CATSPERE: variants seen among roughly 807,000 people sequenced by gnomAD.
CATSPERE encodes cation channel sperm-associated auxiliary subunit epsilon.
A neutral mutation model predicts 114.1 loss-of-function variants in CATSPERE; 93 were observed. The observed-to-expected ratio is 0.81, with a 90% CI of 0.69 to 0.97. The LOEUF (loss-of-function observed/expected upper bound fraction) is 0.97, where lower values mean the gene tolerates loss of function less well. Among genes scored for constraint, CATSPERE ranks in the 50% least tolerant of loss-of-function variants. The probability of loss-of-function intolerance (pLI) is 0.00; values close to 1 mark genes in which losing one functional copy is unlikely to be tolerated. For synonymous variants in CATSPERE, 341 were observed against 384.1 expected (o/e 0.89, Z 1.31); for missense variants, 1,058 against 1,131.6 (o/e 0.93, Z 0.93).
Position 244,607,452 on chromosome 1 carries a change from G to T in CATSPERE, c.2403+1658G>T, listed in dbSNP as rs1331652746. On this transcript the variant is annotated intron_variant, in intron 18 of 21. Coordinates refer to ENST00000366534, the MANE Select transcript of CATSPERE (RefSeq NM_001130957.2). The surrounding 1 kb of genome is among the most constrained non-coding windows in gnomAD (Gnocchi z 4.4). ...CTGAAAACAATCACCATGGATTCCTGAATTCTGCCATCCATCCTATGAGGG... is the reference window on the plus strand; with the variant it reads ...CTGAAAACAATCACCATGGATTCCTTAATTCTGCCATCCATCCTATGAGGG... Among the ~76,000 whole-genome samples, 1 of 152,182 alleles carries T rather than the reference G, an allele frequency of 6.6e-6. No individual in the cohort carries two copies. The highest frequency in any genetic ancestry group is 1.5e-5 in the Non-Finnish European group (1 of 68,036).
chr1:244,546,041 C>T (rs1438906226), intron 8 of CATSPERE, among the ~76,000 whole-genome samples: 1 of 152,164 alleles, frequency 6.6e-6, no homozygotes, highest in African/African-American at 2.4e-5. Flanking sequence ...TCTGGGCACC[C>T]CTGAAGCAGA....
At chr1:244,563,536 T>C (rs895401603) in intron 10 of CATSPERE, among the ~76,000 whole-genome samples, 1 of 152,216 alleles carries the variant, frequency 6.6e-6, no homozygotes, top group Non-Finnish European at 1.5e-5. Flanking sequence ...CTTTTTTCCA[T>C]GTTTGTTGGC....
At chr1:244,469,555 A>T (rs1668132631) in intron 2 of CATSPERE, among the ~76,000 whole-genome samples, 1 of 152,224 alleles carries the variant, frequency 6.6e-6, no homozygotes. Context: ...AAATGAACTA[A>T]AAGGCATCCA....
intron 2 of CATSPERE, among the ~76,000 whole-genome samples, chr1:244,471,787 C>T (rs1360095677): frequency 2.6e-5 from 4 of 152,220 alleles, no homozygotes; most frequent in Non-Finnish European, 4.4e-5. Flanking sequence ...TTGTTGATGG[C>T]CATTTGGGTT....
At chr1:244,505,251 C>G (rs916285689) in intron 7 of CATSPERE, among the ~76,000 whole-genome samples, 1 of 152,144 alleles carries the variant, frequency 6.6e-6, no homozygotes, top group Non-Finnish European at 1.5e-5. Flanking sequence ...AGCACGTGCA[C>G]CATCTTACAT....
rs551017375 is a variant in CATSPERE at position 244,640,461 on chromosome 1, A to C, written c.*380A>C. ...ATGAAACCTTATATGACTGTAGTTA[A>C]TTTATATATAAAGGATTTAATAAAG... On this transcript the variant is annotated 3_prime_UTR_variant, in exon 22 of 22. Coordinates refer to ENST00000366534, the MANE Select transcript of CATSPERE (RefSeq NM_001130957.2). The C allele has an allele frequency of 1.7e-4, 27 of 156,382 alleles. No individual in the cohort carries two copies. Among genetic ancestry groups the C allele is most frequent in the Non-Finnish European group, 2.4e-4 (17 of 71,006 alleles). The allele number at this position is 156,382 out of a possible 1,614,324, so 9.7% of individuals were successfully genotyped here. A position where few individuals can be genotyped will look rare whatever the true frequency, so the allele number is the denominator to read the frequency against.
chr1:244,510,835 C>CTTTTTTTTTTTTTTT (rs747921082), intron 7 of CATSPERE, among the ~76,000 whole-genome samples: 6 of 48,340 alleles, frequency 1.2e-4, no homozygotes, highest in East Asian at 8.0e-4. Context: ...TTTTCTTTTT[C>CTTTTTTTTTTTTTTT]TTTTTTTTTT....
chr1:244,558,646 C>A (rs1455521960), intron 9 of CATSPERE, among the ~76,000 whole-genome samples: 1 of 152,186 alleles, frequency 6.6e-6, no homozygotes, highest in Non-Finnish European at 1.5e-5. Flanking sequence ...CTCTGCTTTA[C>A]AACTTAGCTT....
rs1346546551 is a variant in CATSPERE at position 244,625,670 on chromosome 1, G to A, written c.2648+7984G>A. Among the ~76,000 whole-genome samples, 37 of 150,346 alleles carry A rather than the reference G, an allele frequency of 2.5e-4. 1 individual carries two copies. The East Asian group carries it at 4.3e-3, about 17-fold the overall frequency. On this transcript the variant is annotated intron_variant, in intron 20 of 21. Transcript: ENST00000366534. ...TCTCGATCTCTTGACCTTGTGATCC[G>A]CCCACCTTGGCCTTCCAAAGTGCTG...
At chr1:244,563,476 A>G (rs1490145250) in intron 10 of CATSPERE, among the ~76,000 whole-genome samples, 1 of 152,236 alleles carries the variant, frequency 6.6e-6, no homozygotes, top group Non-Finnish European at 1.5e-5. Flanking sequence ...GTGAGACGGT[A>G]TGTCATTGTG....
intron 5 of CATSPERE, among the ~76,000 whole-genome samples, chr1:244,484,398 G>C (rs1670689579): frequency 6.6e-6 from 1 of 152,190 alleles, no homozygotes. Flanking sequence ...GAGAAACACT[G>C]ATAACACCCA....
intron 17 of CATSPERE, among the ~76,000 whole-genome samples, chr1:244,604,172 C>T (rs1572965671): frequency 6.6e-6 from 1 of 152,204 alleles, no homozygotes; most frequent in African/African-American, 2.4e-5. Flanking sequence ...GCGAAAGGGT[C>T]CCAGAGCTCT....
rs115551327 is a variant in CATSPERE, at chr1:244,609,839, G to A, written c.2404-401G>A. ...GAAGATGGCTTGAGGCCAAGAGTTC[G>A]AGGCCAGCCTTGGCAACATAGCGAG... On this transcript the variant is annotated intron_variant, in intron 18 of 21. Transcript: ENST00000366534. Among the ~76,000 whole-genome samples the A allele has an allele frequency of 1.0e-2, 1,516 of 152,246 alleles. 32 individuals carry two copies. Among genetic ancestry groups the A allele is most frequent in the African/African-American group, 0.035 (1,451 of 41,532 alleles).
intron 8 of CATSPERE, among the ~76,000 whole-genome samples, chr1:244,528,785 C>CCACACACGCACGCGCGCA (rs749801424): frequency 3.8e-5 from 5 of 130,536 alleles, no homozygotes; most frequent in African/African-American, 1.5e-4. Flanking sequence ...CAATCCCCCA[C>CCACACACGCACGCGCGCA]CACACACACA....
chr1:244,569,119 A>T (rs1366278832), intron 10 of CATSPERE, among the ~76,000 whole-genome samples: 1 of 148,548 alleles, frequency 6.7e-6, no homozygotes, highest in African/African-American at 2.6e-5. Context: ...GAGGGATACC[A>T]TGGGTTCCTT....
chr1:244,471,017 G>C (rs1008828464), intron 2 of CATSPERE, among the ~76,000 whole-genome samples: 2 of 152,226 alleles, frequency 1.3e-5, no homozygotes, highest in African/African-American at 4.8e-5. Flanking sequence ...GGGAGATAGG[G>C]CTGGGGTGGT....
At chr1:244,629,928 C>T (rs73121724) in intron 20 of CATSPERE, among the ~76,000 whole-genome samples, 8,885 of 152,048 alleles carry the variant, frequency 0.058, 880 homozygotes, top group African/African-American at 0.2. Flanking sequence ...GTGTGAGCCA[C>T]GACACTTGGC....
In CATSPERE at chr1:244,588,476, T is replaced by C. The variant is rs757662615; in HGVS notation, c.2086-6T>C. 3.7e-6 allele frequency: 6 copies of C among 1,606,652 alleles called. No homozygotes were observed. The highest frequency in any genetic ancestry group is 5.1e-6 in the Non-Finnish European group (6 of 1,173,446). On this transcript the variant is annotated splice_polypyrimidine_tract_variant and splice_region_variant and intron_variant, in intron 13 of 21. Transcript: ENST00000366534. ...TGAACTCACTACCTAAGTTACTTCATTTTAGGTGTTCCAAATAGCTGTTGG... is the reference window on the plus strand; with the variant it reads ...TGAACTCACTACCTAAGTTACTTCACTTTAGGTGTTCCAAATAGCTGTTGG...
intron 8 of CATSPERE, among the ~76,000 whole-genome samples, chr1:244,533,058 C>T (rs1007384789): frequency 2.6e-5 from 4 of 151,990 alleles, no homozygotes; most frequent in South Asian, 2.1e-4. Context: ...TATATATTTA[C>T]AATAAAGTTA....
Sources: gnomAD v4.1 joint callset for allele counts (sites outside exome capture counted in the v4.1 genomes callset) on GRCh38, gnomAD v4.1.1 for gene constraint, Gnocchi (gnomAD v3.1) non-coding constraint, MANE v1.5 for transcripts, NCBI Gene and HGNC (gene_info 2026-07-23, HGNC 2026-07-21) for gene names.